The following BTBD7 variants were observed in gnomAD, a reference collection of about 807,000 sequenced individuals.
BTBD7 encodes BTB domain containing 7, also known as BTB/POZ domain-containing protein 7.
In BTBD7, 38 loss-of-function variants were observed where a neutral mutation model predicts 99.9. That is an observed-to-expected ratio of 0.38 (90% confidence interval 0.29 to 0.50). The LOEUF is 0.50. Ranked by LOEUF, BTBD7 falls within the 20% of genes least tolerant of loss-of-function variation. The pLI is 0.93. For synonymous variants in BTBD7, 520 were observed against 511.4 expected, an observed-to-expected ratio of 1.02 and a Z score of -0.23; for missense variants, 1,170 against 1,394.6, an observed-to-expected ratio of 0.84 and a Z score of 2.57.
In BTBD7 at chr14:93,240,945, T is replaced by G. The variant is rs1595278947; in HGVS notation, c.*1328A>C. 5 of 152,722 alleles carry G rather than the reference T, an allele frequency of 3.3e-5. No homozygotes were observed. Among genetic ancestry groups the G allele is most frequent in the African/African-American group, 1.2e-4 (5 of 41,582 alleles). 9.5% of individuals were successfully genotyped at this position (152,722 alleles called of 1,614,324 possible). On this transcript the variant is annotated 3_prime_UTR_variant, in exon 11 of 11. Coordinates refer to ENST00000334746, the MANE Select transcript of BTBD7 (RefSeq NM_001002860.4). ...CACAACACCAAAATTTAGACATATT[T>G]TGAAAATCGTTTAAAAGAAAACGTA...
At chr14:93,255,728 TC>T (rs1595290626) in intron 6 of BTBD7, 2 of 152,278 alleles carry the variant, frequency 1.3e-5, no homozygotes, top group African/African-American at 4.8e-5. Flanking sequence ...ACTCCTGACC[TC>T]AGGTGATCCA....
intron 3 of BTBD7, among the ~76,000 whole-genome samples, chr14:93,280,574 C>G (rs2052706970): frequency 6.6e-6 from 1 of 152,050 alleles, no homozygotes; most frequent in South Asian, 2.1e-4. Flanking sequence ...CATAAACATG[C>G]CAATACCTAA....
intron 1 of BTBD7, among the ~76,000 whole-genome samples, chr14:93,319,220 A>T (rs543720105): frequency 6.6e-6 from 1 of 152,328 alleles, no homozygotes; most frequent in South Asian, 2.1e-4. Context: ...CTCTAACAAT[A>T]ACAACAACCA....
chr14:93,329,819 A>G (rs1263317740), intron 1 of BTBD7, among the ~76,000 whole-genome samples: 1 of 152,206 alleles, frequency 6.6e-6, no homozygotes, highest in African/African-American at 2.4e-5. Context: ...CGGTTTAGAA[A>G]TATGTAGTCA....
chr14:93,292,693 T>C (rs927634362), intron 3 of BTBD7, among the ~76,000 whole-genome samples: 8 of 152,162 alleles, frequency 5.3e-5, no homozygotes, highest in African/African-American at 1.9e-4. Context: ...CTGCCCAGAG[T>C]ACAGTGCAGT....
intron 4 of BTBD7, 150 bp downstream of exon 4, chr14:93,263,635 G>A (rs1022709848): frequency 7.3e-6 from 5 of 683,208 alleles, no homozygotes; most frequent in African/African-American, 5.4e-5. Context: ...GGCTTTTGTT[G>A]TACAACTATG....
chr14:93,263,766 G>T lies in BTBD7; in HGVS notation c.1371+19C>A, dbSNP rs1431211949. ...CGCACATATGAATGACAGAGTTTGA[G>T]AGGTGTTTAAATGATTACCTGTAGG... is the stretch of plus-strand genomic sequence containing the variant. On this transcript the variant is annotated intron_variant, in intron 4 of 10. Coordinates refer to ENST00000334746, the MANE Select transcript of BTBD7 (RefSeq NM_001002860.4). 1 of 1,595,984 alleles carries T rather than the reference G, an allele frequency of 6.3e-7. No homozygotes were observed. Among genetic ancestry groups the T allele is most frequent in the African/African-American group, 1.3e-5 (1 of 74,480 alleles).
intron 3 of BTBD7, among the ~76,000 whole-genome samples, chr14:93,274,260 T>C (rs1480111460): frequency 1.3e-5 from 2 of 152,206 alleles, no homozygotes; most frequent in African/African-American, 4.8e-5. Context: ...ATGCAAGAAG[T>C]AGACTAAATT....
Position 93,303,452 on chromosome 14 carries a change from T to TA in BTBD7, c.-106-7296dup, listed in dbSNP as rs1280442911. ...GACCCCATCTCAGAAAAAAAAAAGTTAAAAAAAAAAATAAAAAAGATAATA... is the reference window on the plus strand; with the variant it reads ...GACCCCATCTCAGAAAAAAAAAAGTTAAAAAAAAAAAATAAAAAAGATAATA... On this transcript the variant is annotated intron_variant, in intron 1 of 10. Coordinates refer to ENST00000334746, the MANE Select transcript of BTBD7 (RefSeq NM_001002860.4). Among the ~76,000 whole-genome samples, 725 of 141,904 alleles carry TA rather than the reference T, an allele frequency of 5.1e-3. 4 individuals carry two copies. The highest frequency in any genetic ancestry group is 0.018 in the Middle Eastern group (5 of 282). 93.1% of individuals were successfully genotyped at this position (141,904 alleles called of 152,430 possible). A position where few individuals can be genotyped will look rare whatever the true frequency, so the allele number is the denominator to read the frequency against.
rs149006207 is a variant in BTBD7 at position 93,320,476 on chromosome 14, GA to G, written c.-107+12343del. 2.1e-3 allele frequency among the ~76,000 whole-genome samples: 320 copies of G among 152,326 alleles called. 4 individuals carry two copies. Among genetic ancestry groups the G allele is most frequent in the African/African-American group, 7.4e-3 (308 of 41,572 alleles). The stretch of plus-strand genomic sequence containing the variant: ...GCCAAGGTTGAGAAGCCCTGTAATA[GA>G]GTGTAAGGAATACAGAAAAGAAAGA... On this transcript the variant is annotated intron_variant, in intron 1 of 10. Coordinates refer to ENST00000334746, the MANE Select transcript of BTBD7 (RefSeq NM_001002860.4).
intron 5 of BTBD7, 58 bp from the exon 6 acceptor site, chr14:93,257,413 C>T (rs1168914054): frequency 6.5e-7 from 1 of 1,531,604 alleles, no homozygotes; most frequent in Admixed American, 2.0e-5. Context: ...AGACAGGTTT[C>T]CTTTGTTCTC....
chr14:93,301,870 T>A (rs1438012717), intron 1 of BTBD7, among the ~76,000 whole-genome samples: 1 of 152,206 alleles, frequency 6.6e-6, no homozygotes, highest in East Asian at 1.9e-4. Context: ...AAGCTTTTAT[T>A]CTGGGGCTTG....
rs976012580 is a variant in BTBD7 at position 93,274,099 on chromosome 14, C to A, written c.1163-10106G>T. On this transcript the variant is annotated intron_variant, in intron 3 of 10. Transcript: ENST00000334746. Reference sequence around the variant, plus strand: ...CTCTGGGATGAAGGTCTGGCTCACACCTAGTAGGCTGCCTAGGCCTGCTGA... The same window carrying A: ...CTCTGGGATGAAGGTCTGGCTCACAACTAGTAGGCTGCCTAGGCCTGCTGA... 2.6e-5 allele frequency among the ~76,000 whole-genome samples: 4 copies of A among 152,208 alleles called. No homozygotes were observed. In the East Asian group the frequency reaches 7.7e-4, roughly 29 times the overall value.
rs554539977 is a variant in BTBD7 at position 93,248,681 on chromosome 14, C to G, written c.1943-27G>C. 1.7e-5 allele frequency: 26 copies of G among 1,559,622 alleles called. No homozygotes were observed. In the South Asian group the frequency reaches 3.0e-4, roughly 18 times the overall value. ...TGGAAGGAGAACAACAGTGGGCAAG[C>G]AAAATTCCTGAGCTACACAAAAGAC... On this transcript the variant is annotated intron_variant, in intron 8 of 10. Transcript: ENST00000334746.
At chr14:93,269,696 G>A (rs2052580825) in intron 3 of BTBD7, among the ~76,000 whole-genome samples, 1 of 152,140 alleles carries the variant, frequency 6.6e-6, no homozygotes, top group African/African-American at 2.4e-5. Flanking sequence ...TGAATATTGT[G>A]GCAATTGTTT....
At chr14:93,246,333 T>G in intron 9 of BTBD7, 47 bp from the exon 10 acceptor site, 1 of 1,466,392 alleles carries the variant, frequency 6.8e-7, no homozygotes, top group South Asian at 1.5e-5. Context: ...TTAGCAGATT[T>G]CATAAGTGGA....
At position 93,294,902 on chromosome 14, in the gene BTBD7, C is replaced by T. The variant is rs760034708; in HGVS notation, c.118G>A (p.Glu40Lys). The stretch of plus-strand genomic sequence containing the variant: ...TGGTCAAGGCTATACAACTTTGATT[C>T]GCAACCATAGCCTTGCTGAGAATAG... Reference protein sequence around the residue: ...SSYSQQGYGCESKLYSLDHGH... With the variant: ...SSYSQQGYGCKSKLYSLDHGH... Residue 40 changes from glutamate (E) to lysine (K), a missense_variant, in exon 3 of 11, where the codon GAA becomes AAA. This residue lies in a region of BTBD7 where 359 missense variants were observed against 497.9 expected (regional missense o/e 0.72). Transcript: ENST00000334746. 1.9e-5 allele frequency: 30 copies of T among 1,604,662 alleles called. No homozygotes were observed. The highest frequency in any genetic ancestry group is 8.7e-5 in the Admixed American group (5 of 57,480).
intron 1 of BTBD7, among the ~76,000 whole-genome samples, chr14:93,299,964 T>C (rs1167803852): frequency 2.0e-5 from 3 of 152,148 alleles, no homozygotes. Context: ...CCACGGGGCA[T>C]GAAGGAATGA....
chr14:93,306,354 T>A (rs2139794454), intron 1 of BTBD7, among the ~76,000 whole-genome samples: 1 of 150,316 alleles, frequency 6.7e-6, no homozygotes, highest in South Asian at 2.1e-4. Context: ...ACGCCTATAA[T>A]CCCAGCACTT....
Sources: allele counts gnomAD v4.1 joint callset (sites outside exome capture counted in the v4.1 genomes callset), GRCh38; gene constraint gnomAD v4.1.1; regional missense constraint gnomAD v4.1.1; transcripts MANE v1.5; gene names NCBI Gene and HGNC (gene_info 2026-07-23, HGNC 2026-07-21).